The following PRKG1 variants were observed in gnomAD, a reference collection of about 807,000 sequenced individuals.
PRKG1 encodes cGMP-dependent protein kinase 1.
Under a neutral mutation model 88.1 loss-of-function variants are expected in PRKG1, and 35 were observed. That is an observed-to-expected ratio of 0.40 (90% CI 0.30 to 0.53). The LOEUF (loss-of-function observed/expected upper bound fraction) is 0.53. Ranked by LOEUF, PRKG1 falls within the 20% of genes least tolerant of loss-of-function variation. PRKG1 has a pLI of 0.59. For synonymous variants in PRKG1, 303 were observed against 292.5 expected, an observed-to-expected ratio of 1.04 and a Z score of -0.37; for missense variants, 540 against 839.8, an observed-to-expected ratio of 0.64 and a Z score of 4.41.
chr10:51,431,552 C>T lies in PRKG1; in HGVS notation c.479-36171C>T, dbSNP rs185208409. 6.0e-3 allele frequency among the ~76,000 whole-genome samples: 907 copies of T among 152,208 alleles called. 5 individuals are homozygous for T. Among genetic ancestry groups the T allele is most frequent in the Non-Finnish European group, 8.9e-3 (608 of 68,014 alleles). On this transcript the variant is annotated intron_variant, in intron 2 of 17. Transcript: ENST00000373980. ...TTAAGAAGATAGTTGAAGGTGTGGG[C>T]TCTGGGTTGGTTAGTTTGCAAATGA...
At chr10:51,933,404 TA>T (rs983130184) in intron 5 of PRKG1, among the ~76,000 whole-genome samples, 24 of 152,254 alleles carry the variant, frequency 1.6e-4, no homozygotes, top group African/African-American at 5.8e-4. Context: ...AATTTAAATA[TA>T]TTGCATAGGA....
At chr10:51,541,267 C>T (rs866734958) in intron 3 of PRKG1, among the ~76,000 whole-genome samples, 2 of 152,186 alleles carry the variant, frequency 1.3e-5, no homozygotes, top group African/African-American at 4.8e-5. Flanking sequence ...TCCCATGCCA[C>T]TGCTGATCTG....
At chr10:51,754,061 G>C (rs1192255236) in intron 3 of PRKG1, among the ~76,000 whole-genome samples, 1 of 152,018 alleles carries the variant, frequency 6.6e-6, no homozygotes, top group Non-Finnish European at 1.5e-5. Context: ...GGAGTCATTA[G>C]CTCCTTTCTT....
chr10:51,097,577 T>C (rs1299818334), intron 1 of PRKG1, among the ~76,000 whole-genome samples: 2 of 152,144 alleles, frequency 1.3e-5, no homozygotes, highest in Non-Finnish European at 2.9e-5. Flanking sequence ...TCTAACAGAC[T>C]GATTAGCAGC....
rs146933392 is a variant in PRKG1, at chr10:51,180,657, A to G, written c.478+27327A>G. Reference sequence around the variant, plus strand: ...CTGCCTGCTTGCGAAGCAGACCCCTATTAAGATGAGCTTGCATGATTTTGG... The same window carrying G: ...CTGCCTGCTTGCGAAGCAGACCCCTGTTAAGATGAGCTTGCATGATTTTGG... On this transcript the variant is annotated intron_variant, in intron 2 of 17. Coordinates refer to ENST00000373980, the MANE Select transcript of PRKG1 (RefSeq NM_006258.4). Among the ~76,000 whole-genome samples the G allele has an allele frequency of 2.8e-3, 427 of 152,320 alleles. 1 individual carries two copies. Among genetic ancestry groups the G allele is most frequent in the African/African-American group, 9.9e-3 (412 of 41,572 alleles).
chr10:52,267,289 A>G (rs1841599237), intron 10 of PRKG1, among the ~76,000 whole-genome samples: 1 of 152,194 alleles, frequency 6.6e-6, no homozygotes. Context: ...GTAAGAAGGT[A>G]ATAGTGTGGT....
At chr10:51,679,433 C>T (rs944437444) in intron 3 of PRKG1, among the ~76,000 whole-genome samples, 4 of 152,106 alleles carry the variant, frequency 2.6e-5, no homozygotes, top group South Asian at 2.1e-4. Flanking sequence ...CTTAGAGCCA[C>T]AGAAATATTT....
intron 7 of PRKG1, among the ~76,000 whole-genome samples, chr10:52,105,115 T>C (rs1244379581): frequency 6.6e-6 from 1 of 152,074 alleles, no homozygotes; most frequent in African/African-American, 2.4e-5. Flanking sequence ...CTTAAAATCT[T>C]AAAAGGAAGA....
chr10:51,137,137 G>A (rs191999253), intron 1 of PRKG1, among the ~76,000 whole-genome samples: 1 of 151,882 alleles, frequency 6.6e-6, no homozygotes, highest in African/African-American at 2.4e-5. Context: ...CGCCTGCCTC[G>A]GCCTCCCAAA....
intron 2 of PRKG1, among the ~76,000 whole-genome samples, chr10:51,186,651 C>T (rs928926377): frequency 6.6e-6 from 1 of 151,890 alleles, no homozygotes; most frequent in African/African-American, 2.4e-5. Context: ...AGTGCTTCTA[C>T]AAATGTGCTT....
At chr10:51,013,153 G>A (rs570627039) in intron 1 of PRKG1, among the ~76,000 whole-genome samples, 1 of 127,196 alleles carries the variant, frequency 7.9e-6, no homozygotes, top group African/African-American at 3.2e-5. Context: ...CTGCATTCAA[G>A]TTATATTACT....
At chr10:52,214,700 G>C (rs1840065975) in intron 9 of PRKG1, among the ~76,000 whole-genome samples, 1 of 152,098 alleles carries the variant, frequency 6.6e-6, no homozygotes, top group African/African-American at 2.4e-5. Flanking sequence ...TGAAGAAAGA[G>C]GCCAGATAAA....
At chr10:51,707,212 G>A (rs1841627623) in intron 3 of PRKG1, among the ~76,000 whole-genome samples, 1 of 152,114 alleles carries the variant, frequency 6.6e-6, no homozygotes, top group Non-Finnish European at 1.5e-5. Context: ...ACCATGAAAT[G>A]CACTCTTCAA....
intron 6 of PRKG1, among the ~76,000 whole-genome samples, chr10:52,061,821 A>G (rs970960066): frequency 1.3e-5 from 2 of 152,140 alleles, no homozygotes; most frequent in African/African-American, 4.8e-5. Flanking sequence ...AGTCAGTTAC[A>G]GCCATGCAAG....
At chr10:51,039,924 A>G (rs1408996702) in intron 1 of PRKG1, among the ~76,000 whole-genome samples, 1 of 151,920 alleles carries the variant, frequency 6.6e-6, no homozygotes, top group Non-Finnish European at 1.5e-5. Flanking sequence ...ATTCTGTTCT[A>G]TTGGTCTATG....
chr10:51,750,421 G>A (rs991390760), intron 3 of PRKG1, among the ~76,000 whole-genome samples: 4 of 152,000 alleles, frequency 2.6e-5, no homozygotes, highest in African/African-American at 4.8e-5. Flanking sequence ...TTGCCTTTAC[G>A]GACATGTGTA....
At chr10:51,844,646 G>T (rs542455564) in intron 4 of PRKG1, among the ~76,000 whole-genome samples, 27 of 152,250 alleles carry the variant, frequency 1.8e-4, no homozygotes, top group African/African-American at 5.1e-4. Context: ...CTGGCAGCAA[G>T]AATAGATGTG....
intron 2 of PRKG1, among the ~76,000 whole-genome samples, chr10:51,318,381 T>C (rs1039441133): frequency 1.3e-5 from 2 of 152,208 alleles, no homozygotes; most frequent in Admixed American, 6.5e-5. Context: ...AATAAAATGG[T>C]ACATGTAAAA....
intron 2 of PRKG1, among the ~76,000 whole-genome samples, chr10:51,239,064 A>G (rs996821346): frequency 6.6e-6 from 1 of 150,452 alleles, no homozygotes; most frequent in Non-Finnish European, 1.5e-5. Context: ...TTGGAAAATA[A>G]CTATGATTTT....
Sources: allele counts gnomAD v4.1 joint callset (sites outside exome capture counted in the v4.1 genomes callset), GRCh38; gene constraint gnomAD v4.1.1; transcripts MANE v1.5; gene names NCBI Gene and HGNC (gene_info 2026-07-23, HGNC 2026-07-21).